The following RIT2 variants were observed in gnomAD, a reference collection of about 807,000 sequenced individuals.
RIT2 encodes the protein Ras like without CAAX 2.
In RIT2, 24 loss-of-function variants were observed where a neutral mutation model predicts 23.7. The observed-to-expected ratio is 1.01, with a 90% CI of 0.73 to 1.43. The LOEUF is 1.43. Ranked by LOEUF, RIT2 falls within the 40% of genes most tolerant of loss-of-function variation. The pLI is 0.00. For synonymous variants in RIT2, 107 were observed against 91.1 expected (o/e 1.17, Z -0.99); for missense variants, 236 against 266.9 (o/e 0.88, Z 0.81).
intron 2 of RIT2, among the ~76,000 whole-genome samples, chr18:42,985,580 C>T (rs942077131): frequency 1.3e-5 from 2 of 151,998 alleles, no homozygotes; most frequent in African/African-American, 2.4e-5. Flanking sequence ...AACCTACATA[C>T]TTATGAATCA....
At chr18:42,923,834 A>G in intron 3 of RIT2, 71 bp from the exon 4 acceptor site, 1 of 1,177,872 alleles carries the variant, frequency 8.5e-7, no homozygotes, top group Non-Finnish European at 1.2e-6. Flanking sequence ...TTTAAATGTA[A>G]TCATTATGAA....
chr18:43,004,414 A>C (rs1419224451), intron 2 of RIT2, among the ~76,000 whole-genome samples: 1 of 151,852 alleles, frequency 6.6e-6, no homozygotes, highest in Non-Finnish European at 1.5e-5. Context: ...TACATAAATT[A>C]GGGTATTTCT....
intron 3 of RIT2, among the ~76,000 whole-genome samples, chr18:42,963,067 A>T (rs1910129088): frequency 6.6e-6 from 1 of 152,170 alleles, no homozygotes; most frequent in Non-Finnish European, 1.5e-5. Flanking sequence ...CGTTCCTTGA[A>T]TAGGAGCATT....
At chr18:42,831,414 T>C (rs966168613) in intron 4 of RIT2, among the ~76,000 whole-genome samples, 25 of 152,338 alleles carry the variant, frequency 1.6e-4, no homozygotes, top group African/African-American at 4.6e-4. Context: ...ACCAGATTTG[T>C]CCTTTGTGGC....
intron 4 of RIT2, among the ~76,000 whole-genome samples, chr18:42,864,548 G>C (rs1229734166): frequency 6.6e-6 from 1 of 152,144 alleles, no homozygotes; most frequent in Non-Finnish European, 1.5e-5. Flanking sequence ...GAATGGAATT[G>C]AAAACTCTGT....
intron 4 of RIT2, among the ~76,000 whole-genome samples, chr18:42,846,341 T>C (rs1906908688): frequency 6.6e-6 from 1 of 151,960 alleles, no homozygotes; most frequent in African/African-American, 2.4e-5. Flanking sequence ...TTTATAATTA[T>C]AAAATAAATC....
At chr18:42,791,335 T>G (rs867677286) in intron 4 of RIT2, among the ~76,000 whole-genome samples, 2 of 152,216 alleles carry the variant, frequency 1.3e-5, no homozygotes, top group Admixed American at 1.3e-4. Context: ...AGTTACAATA[T>G]ATGGAAAATG....
At chr18:42,767,021 G>T (rs759772230) in intron 4 of RIT2, among the ~76,000 whole-genome samples, 2 of 152,214 alleles carry the variant, frequency 1.3e-5, no homozygotes, top group Non-Finnish European at 2.9e-5. Flanking sequence ...AAAGTTTGCT[G>T]CAGGGCAGGT....
At chr18:42,858,806 A>G (rs1004027673) in intron 4 of RIT2, among the ~76,000 whole-genome samples, 2 of 152,150 alleles carry the variant, frequency 1.3e-5, no homozygotes, top group African/African-American at 4.8e-5. Context: ...GAATCATAAT[A>G]TGTGGTCTTT....
intron 2 of RIT2, among the ~76,000 whole-genome samples, chr18:43,019,442 A>T (rs1002495219): frequency 6.6e-6 from 1 of 152,066 alleles, no homozygotes; most frequent in Non-Finnish European, 1.5e-5. Flanking sequence ...AAATTATATG[A>T]TTATCTCAAT....
chr18:43,077,102 C>CAAAAAAGAAAAA (rs755511835), intron 1 of RIT2, among the ~76,000 whole-genome samples: 109 of 80,230 alleles, frequency 1.4e-3, no homozygotes, highest in East Asian at 5.1e-3. Flanking sequence ...GACTCCGTCT[C>CAAAAAAGAAAAA]AAAAAAAAAA....
At chr18:43,043,553 G>T (rs980899328) in intron 1 of RIT2, among the ~76,000 whole-genome samples, 3 of 152,154 alleles carry the variant, frequency 2.0e-5, no homozygotes, top group East Asian at 3.9e-4. Flanking sequence ...CACTTTGGGA[G>T]GCCAAGGCGG....
intron 2 of RIT2, among the ~76,000 whole-genome samples, chr18:43,004,717 A>T (rs1027218957): frequency 8.6e-5 from 13 of 151,870 alleles, no homozygotes; most frequent in Non-Finnish European, 1.5e-4. Flanking sequence ...CTTCTATGAG[A>T]CCATTCACTA....
intron 4 of RIT2, among the ~76,000 whole-genome samples, chr18:42,856,538 G>C (rs1314677984): frequency 6.6e-6 from 1 of 152,142 alleles, no homozygotes; most frequent in Non-Finnish European, 1.5e-5. Flanking sequence ...GCCTTAGGGG[G>C]AGTGATTTTT....
chr18:43,102,414 T>C (rs961438650), intron 1 of RIT2, among the ~76,000 whole-genome samples: 6 of 151,530 alleles, frequency 4.0e-5, no homozygotes, highest in Non-Finnish European at 8.8e-5. Flanking sequence ...ATACTTTCTT[T>C]TCTCCTCCTC....
At chr18:42,926,961 C>T (rs1438512637) in intron 3 of RIT2, among the ~76,000 whole-genome samples, 3 of 151,846 alleles carry the variant, frequency 2.0e-5, no homozygotes, top group African/African-American at 7.2e-5. Flanking sequence ...GCCTCAATTT[C>T]CCCCTTTGTT....
At chr18:43,093,760 T>C (rs748944224) in intron 1 of RIT2, among the ~76,000 whole-genome samples, 1 of 152,064 alleles carries the variant, frequency 6.6e-6, no homozygotes, top group Non-Finnish European at 1.5e-5. Flanking sequence ...ACTGGGGAAC[T>C]GGTGAAGGTC....
Position 42,771,568 on chromosome 18 carries a change from T to C in RIT2, c.427-27848A>G, listed in dbSNP as rs142971328. On this transcript the variant is annotated intron_variant, in intron 4 of 4. Transcript: ENST00000326695. The stretch of plus-strand genomic sequence containing the variant: ...CTCAGAATTTGGTATTACTATACAG[T>C]ATATGTAATACATGTTTGATTATTA... Among the ~76,000 whole-genome samples the C allele has an allele frequency of 9.6e-3, 1,469 of 152,274 alleles. 29 individuals carry two copies. Among genetic ancestry groups the C allele is most frequent in the African/African-American group, 0.034 (1,403 of 41,556 alleles).
chr18:42,969,814 ACTTT>A (rs1910321014), intron 3 of RIT2, among the ~76,000 whole-genome samples: 1 of 152,140 alleles, frequency 6.6e-6, no homozygotes, highest in Non-Finnish European at 1.5e-5. Flanking sequence ...TTTTTAAAAT[ACTTT>A]ATCTTTAATT....
Sources: gnomAD v4.1 joint callset for allele counts (sites outside exome capture counted in the v4.1 genomes callset) on GRCh38, gnomAD v4.1.1 for gene constraint, MANE v1.5 for transcripts, NCBI Gene and HGNC (gene_info 2026-07-23, HGNC 2026-07-21) for gene names.